ACACA: variants seen among roughly 807,000 people sequenced by gnomAD.
The protein encoded by ACACA is acetyl-CoA carboxylase 1.
Under a neutral mutation model 296.1 loss-of-function variants are expected in ACACA, and 103 were observed. The observed-to-expected ratio is 0.35, with a 90% CI of 0.30 to 0.41. The LOEUF is 0.41. Ranked by LOEUF, ACACA falls within the 10% of genes least tolerant of loss-of-function variation. The pLI is 1.00. For synonymous variants in ACACA, 953 were observed against 1,038.6 expected (o/e 0.92, Z 1.58); for missense variants, 1,554 against 2,989.7 (o/e 0.52, Z 11.20).
chr17:37,136,029 G>A (rs1057248794), intron 45 of ACACA, among the ~76,000 whole-genome samples: 1 of 145,748 alleles, frequency 6.9e-6, no homozygotes, highest in Non-Finnish European at 1.5e-5. Flanking sequence ...TTACAGACAT[G>A]AGCCACCATG....
chr17:37,396,829 G>C (rs1264375042), intron 1 of ACACA, among the ~76,000 whole-genome samples: 1 of 152,030 alleles, frequency 6.6e-6, no homozygotes, highest in Non-Finnish European at 1.5e-5. Context: ...TCCATTTTCT[G>C]AGTTGACACA....
At chr17:37,327,691 G>A (rs948056821) in intron 3 of ACACA, among the ~76,000 whole-genome samples, 2 of 152,190 alleles carry the variant, frequency 1.3e-5, no homozygotes, top group African/African-American at 2.4e-5. Context: ...TGGATATTAT[G>A]TTTCACATAG....
At chr17:37,336,272 G>A (rs1244981079) in intron 2 of ACACA, among the ~76,000 whole-genome samples, 1 of 152,002 alleles carries the variant, frequency 6.6e-6, no homozygotes, top group African/African-American at 2.4e-5. Context: ...CCTCTACTAC[G>A]CCCCAATTCA....
intron 35 of ACACA, among the ~76,000 whole-genome samples, chr17:37,194,934 C>CCG (rs1313901538): frequency 2.6e-4 from 37 of 142,700 alleles, no homozygotes; most frequent in Middle Eastern, 3.9e-3. Context: ...TTCTCTGACA[C>CCG]CCCCCCCACC....
chr17:37,332,699 G>A (rs761549344), intron 2 of ACACA, among the ~76,000 whole-genome samples: 2 of 151,898 alleles, frequency 1.3e-5, no homozygotes, highest in Non-Finnish European at 2.9e-5. Flanking sequence ...ATCACCTGAG[G>A]TCAGCAGTTC....
Position 37,130,222 on chromosome 17 carries a change from G to A in ACACA, c.5680-4C>T. ...TGTACACTTCCCGCCCGAGGACCTA[G>A]AGAAAAGAGCAAGAGAAAAGACATT... On this transcript the variant is annotated splice_polypyrimidine_tract_variant and splice_region_variant and intron_variant, in intron 45 of 55. Transcript: ENST00000616317. The A allele has an allele frequency of 6.2e-7, 1 of 1,614,192 alleles. No homozygotes were observed. Among genetic ancestry groups the A allele is most frequent in the Non-Finnish European group, 8.5e-7 (1 of 1,180,008 alleles).
At chr17:37,253,163 A>G in intron 14 of ACACA, 127 bp from the exon 15 acceptor site, 1 of 1,329,338 alleles carries the variant, frequency 7.5e-7, no homozygotes, top group East Asian at 2.4e-5. Context: ...AGGCCAAGAC[A>G]AGGCGGATCA....
intron 2 of ACACA, among the ~76,000 whole-genome samples, chr17:37,338,615 A>G (rs558094806): frequency 1.3e-5 from 2 of 149,964 alleles, no homozygotes; most frequent in East Asian, 3.9e-4. Context: ...CTCAAAAAAC[A>G]AAAAAAAACA....
Position 37,113,634 on chromosome 17 carries a change from G to C in ACACA, c.6275-369C>G, listed in dbSNP as rs555922369. Among the ~76,000 whole-genome samples, 2 of 152,156 alleles carry C rather than the reference G, an allele frequency of 1.3e-5. No individual in the cohort carries two copies. The highest frequency in any genetic ancestry group is 2.4e-5 in the African/African-American group (1 of 41,432). On this transcript the variant is annotated intron_variant, in intron 50 of 55. Transcript: ENST00000616317. The surrounding 1 kb of genome is among the most constrained non-coding windows in gnomAD (Gnocchi z 4.0). ...AATATGTGCTCTCCCACTACAGTAA[G>C]TTTACTAAAGGAAGGAACTATTCTA...
chr17:37,317,057 G>A (rs1389756059), intron 3 of ACACA, among the ~76,000 whole-genome samples: 1 of 144,090 alleles, frequency 6.9e-6, no homozygotes, highest in Non-Finnish European at 1.5e-5. Context: ...CTGGGTGACA[G>A]AGACCCTGTC....
At chr17:37,371,605 A>T (rs2049808436) in intron 1 of ACACA, among the ~76,000 whole-genome samples, 1 of 152,090 alleles carries the variant, frequency 6.6e-6, no homozygotes, top group South Asian at 2.1e-4. Flanking sequence ...TTCCACAATT[A>T]AAAAACGGCC....
intron 11 of ACACA, among the ~76,000 whole-genome samples, chr17:37,262,348 T>C (rs1385907074): frequency 1.3e-5 from 2 of 152,214 alleles, no homozygotes; most frequent in African/African-American, 4.8e-5. Context: ...TGCTTCCATA[T>C]GCTTGCCCTC....
chr17:37,354,219 T>C (rs150366570), intron 1 of ACACA, among the ~76,000 whole-genome samples: 84 of 152,334 alleles, frequency 5.5e-4, no homozygotes, highest in African/African-American at 1.9e-3. Context: ...AACATTATTG[T>C]GGTTCCTTAT....
intron 41 of ACACA, among the ~76,000 whole-genome samples, chr17:37,173,626 T>A (rs2076956174): frequency 6.6e-6 from 1 of 152,064 alleles, no homozygotes; most frequent in Admixed American, 6.6e-5. Flanking sequence ...AATAAAAAAA[T>A]TAATGAGATG....
At chr17:37,344,099 A>G (rs765661081) in intron 1 of ACACA, among the ~76,000 whole-genome samples, 1 of 151,626 alleles carries the variant, frequency 6.6e-6, no homozygotes, top group Non-Finnish European at 1.5e-5. Flanking sequence ...AAGATAAAAA[A>G]TAAAAAAGAA....
At chr17:37,294,104 T>G (rs866929340) in intron 3 of ACACA, among the ~76,000 whole-genome samples, 2 of 151,732 alleles carry the variant, frequency 1.3e-5, no homozygotes, top group Non-Finnish European at 1.5e-5. Flanking sequence ...GTTAACAACA[T>G]TAAGTTACTC....
At chr17:37,212,391 C>T (rs1442347583) in intron 29 of ACACA, among the ~76,000 whole-genome samples, 2 of 151,526 alleles carry the variant, frequency 1.3e-5, no homozygotes, top group African/African-American at 4.9e-5. Flanking sequence ...GAGCCCCCTG[C>T]TGCTTTGTTA....
In ACACA at chr17:37,260,284, A is replaced by T. The variant is rs2946338; in HGVS notation, c.1330-754T>A. 2.4e-3 allele frequency among the ~76,000 whole-genome samples: 105 copies of T among 43,434 alleles called. 3 individuals carry two copies. The highest frequency in any genetic ancestry group is 0.012 in the African/African-American group (91 of 7,650). The allele number at this position is 43,434 out of a possible 152,430, so 28.5% of individuals were successfully genotyped here. The stretch of plus-strand genomic sequence containing the variant: ...TATATATATATATATATATATATAT[A>T]TATATATATATATTTTTTTTTTTTT... On this transcript the variant is annotated intron_variant, in intron 11 of 55. Coordinates refer to ENST00000616317, the MANE Select transcript of ACACA (RefSeq NM_198834.3).
At chr17:37,181,753 A>G (rs1364477525) in intron 39 of ACACA, among the ~76,000 whole-genome samples, 2 of 151,814 alleles carry the variant, frequency 1.3e-5, no homozygotes, top group Non-Finnish European at 2.9e-5. Flanking sequence ...CAAAAACATT[A>G]GCTGGGCGTG....
Sources: gnomAD v4.1 joint callset for allele counts (sites outside exome capture counted in the v4.1 genomes callset) on GRCh38, gnomAD v4.1.1 for gene constraint, Gnocchi (gnomAD v3.1) non-coding constraint, MANE v1.5 for transcripts, NCBI Gene and HGNC (gene_info 2026-07-23, HGNC 2026-07-21) for gene names.